Variants in ADCY9 observed in about 807,000 individuals in gnomAD.
The protein encoded by ADCY9 is adenylate cyclase 9.
In ADCY9, 50 loss-of-function variants were observed where a neutral mutation model predicts 101.5. That is an observed-to-expected ratio of 0.49 (90% CI 0.39 to 0.62). ADCY9 has a LOEUF of 0.62. Ranked by LOEUF, ADCY9 falls within the 20% of genes least tolerant of loss-of-function variation. The probability of loss-of-function intolerance (pLI) is 0.00; values close to 1 mark genes in which losing one functional copy is unlikely to be tolerated. For synonymous variants in ADCY9, 905 were observed against 769.3 expected (o/e 1.18, Z -2.92); for missense variants, 1,662 against 1,800.4 (o/e 0.92, Z 1.39).
rs2230738 is a variant in ADCY9 at position 4,114,363 on chromosome 16, C to T, written c.1080G>A (p.Arg360=). The T allele has an allele frequency of 0.27, 433,551 of 1,613,860 alleles. 66,123 individuals carry two copies. Among genetic ancestry groups the T allele is most frequent in the East Asian group, 0.64 (28,648 of 44,872 alleles). The change falls in exon 2 of 11, where the codon AGG becomes AGA. Residue 360 remains arginine, a synonymous_variant. Coordinates refer to ENST00000294016, the MANE Select transcript of ADCY9 (RefSeq NM_001116.4). This position sits in a 1 kb window ranked among gnomAD's most constrained non-coding sequence, Gnocchi z 4.3. The stretch of plus-strand genomic sequence containing the variant: ...TGTTCTTGGGGCTCGAGGTGGCATG[C>T]CTCTTGACAGAATTCTCACTCTCCT... The part of the protein sequence containing the change: ...GDEESENSVK[R]HATSSPKNRK...
At chr16:4,094,999 G>T (rs1255297108) in intron 2 of ADCY9, among the ~76,000 whole-genome samples, 1 of 135,562 alleles carries the variant, frequency 7.4e-6, no homozygotes, top group Non-Finnish European at 1.5e-5. Context: ...CAATGTTGAT[G>T]ACATTTAATT....
chr16:4,011,224 G>A (rs991177757), intron 2 of ADCY9, among the ~76,000 whole-genome samples: 3 of 152,186 alleles, frequency 2.0e-5, no homozygotes, highest in African/African-American at 7.2e-5. Flanking sequence ...TACAGAGGTG[G>A]CCTGCAGCAG....
At chr16:4,029,099 A>G (rs2056537110) in intron 2 of ADCY9, among the ~76,000 whole-genome samples, 2 of 152,082 alleles carry the variant, frequency 1.3e-5, no homozygotes, top group Non-Finnish European at 2.9e-5. Context: ...TATATTTTTT[A>G]AAGTAAAACT....
Position 4,113,884 on chromosome 16 carries a change from A to G in ADCY9, c.1559T>C (p.Met520Thr). ...TTTGCCGGCCACTCCCAGCTGCTCC[A>G]TGAGATTGGCCAGGTTCACATCGTT... ...WSNDVNLANL[M>T]EQLGVAGKVH... Residue 520 changes from methionine (M) to threonine (T), a missense_variant, in exon 2 of 11, where the codon ATG (methionine) becomes ACG (threonine). Met to Thr is a moderately conservative substitution (Grantham distance 81). Coordinates refer to ENST00000294016, the MANE Select transcript of ADCY9 (RefSeq NM_001116.4). The G allele has an allele frequency of 1.9e-6, 3 of 1,614,154 alleles. No homozygotes were observed. Among genetic ancestry groups the G allele is most frequent in the Non-Finnish European group, 2.5e-6 (3 of 1,180,020 alleles).
chr16:4,089,395 T>A (rs1245419728), intron 2 of ADCY9, among the ~76,000 whole-genome samples: 1 of 152,118 alleles, frequency 6.6e-6, no homozygotes, highest in African/African-American at 2.4e-5. Flanking sequence ...ACTCCATTCC[T>A]TTTTAAGGCT....
At chr16:4,069,867 A>C (rs902797704) in intron 2 of ADCY9, among the ~76,000 whole-genome samples, 1 of 152,164 alleles carries the variant, frequency 6.6e-6, no homozygotes, top group Non-Finnish European at 1.5e-5. Flanking sequence ...AGGCTGAGGC[A>C]GGTGGATCAC....
At chr16:3,970,149 T>C (rs140379843) in intron 10 of ADCY9, among the ~76,000 whole-genome samples, 273 of 152,248 alleles carry the variant, frequency 1.8e-3, no homozygotes, top group Middle Eastern at 3.4e-3. Context: ...TACTTATATA[T>C]GCGACTGGCG....
At chr16:4,035,998 C>CAAAAAAAAAAAAAAAAAAAAA (rs55792873) in intron 2 of ADCY9, among the ~76,000 whole-genome samples, 4 of 23,168 alleles carry the variant, frequency 1.7e-4, no homozygotes, top group Non-Finnish European at 2.9e-4. Context: ...AACTCCATCT[C>CAAAAAAAAAAAAAAAAAAAAA]AAAAAAAAAA....
intron 2 of ADCY9, among the ~76,000 whole-genome samples, chr16:4,092,592 T>C (rs889972982): frequency 6.6e-6 from 1 of 152,228 alleles, no homozygotes; most frequent in Non-Finnish European, 1.5e-5. Context: ...TTTGGTCTTA[T>C]GGAAAACGTG....
At position 4,048,565 on chromosome 16, in the gene ADCY9, G is replaced by A. The variant is rs192109900; in HGVS notation, c.1694-41007C>T. On this transcript the variant is annotated intron_variant, in intron 2 of 10. Coordinates refer to ENST00000294016, the MANE Select transcript of ADCY9 (RefSeq NM_001116.4). ...CTCCTGCACTTGTAGAGGGACACGGGTGAGATGAAACGGACGTCAGTACCC... is the reference window on the plus strand; with the variant it reads ...CTCCTGCACTTGTAGAGGGACACGGATGAGATGAAACGGACGTCAGTACCC... Among the ~76,000 whole-genome samples the A allele has an allele frequency of 4.3e-4, 65 of 152,296 alleles. 1 individual carries two copies. The East Asian group carries it at 9.3e-3, about 22-fold the overall frequency.
At chr16:3,972,234 C>CT (rs34224958) in intron 10 of ADCY9, among the ~76,000 whole-genome samples, 3,198 of 144,568 alleles carry the variant, frequency 0.022, 113 homozygotes, top group African/African-American at 0.075. Context: ...TTTTTCTTTT[C>CT]TTTTTTTTTT....
At chr16:4,075,807 T>A (rs1276392492) in intron 2 of ADCY9, among the ~76,000 whole-genome samples, 2 of 151,272 alleles carry the variant, frequency 1.3e-5, no homozygotes, top group Non-Finnish European at 2.9e-5. Context: ...CTGGATCTTG[T>A]AAGGTGGGCA....
In ADCY9 at chr16:4,007,237, C is replaced by A. The variant is rs550400986; in HGVS notation, c.1884+131G>T. 1.2e-5 allele frequency: 9 copies of A among 735,548 alleles called. No homozygotes were observed. The Admixed American group carries it at 1.4e-4, about 12-fold the overall frequency. 45.6% of individuals were successfully genotyped at this position (735,548 alleles called of 1,614,324 possible). On this transcript the variant is annotated intron_variant, in intron 3 of 10. Transcript: ENST00000294016. ...CTAACTTTAGACTAAATATTAAAAT[C>A]GTGAAAACCAAATCGAAGGTCATTC...
intron 2 of ADCY9, among the ~76,000 whole-genome samples, chr16:4,112,821 G>A (rs1199990796): frequency 6.6e-6 from 1 of 152,168 alleles, no homozygotes; most frequent in African/African-American, 2.4e-5. Flanking sequence ...AAAGGAGGAA[G>A]TGGGGGAAGA....
At chr16:4,109,391 T>C (rs1210407263) in intron 2 of ADCY9, among the ~76,000 whole-genome samples, 1 of 152,178 alleles carries the variant, frequency 6.6e-6, no homozygotes, top group Admixed American at 6.5e-5. Context: ...GCAGGAATTG[T>C]TGTCTGTTTT....
chr16:3,988,704 TG>T (rs1173022314), intron 6 of ADCY9, among the ~76,000 whole-genome samples: 2 of 18,684 alleles, frequency 1.1e-4, no homozygotes, highest in East Asian at 1.7e-3. Flanking sequence ...CAGGTTGTGG[TG>T]GGGGGGCCCC....
At chr16:4,038,318 A>G (rs1008903142) in intron 2 of ADCY9, among the ~76,000 whole-genome samples, 12 of 150,832 alleles carry the variant, frequency 8.0e-5, no homozygotes, top group African/African-American at 2.9e-4. Context: ...TTTAGGAGGT[A>G]AGGAAGAAGT....
At position 4,114,440 on chromosome 16, in the gene ADCY9, G is replaced by C; in HGVS notation, c.1003C>G (p.His335Asp). Residue 335 changes from histidine to aspartate, a missense_variant, in exon 2 of 11, where the codon CAT becomes GAT. Coordinates refer to ENST00000294016, the MANE Select transcript of ADCY9 (RefSeq NM_001116.4). The surrounding 1 kb of genome is among the most constrained non-coding windows in gnomAD (Gnocchi z 4.3). ...GCTATGATTCTTGGCATCACGGAAT[G>C]AATCATCCTCTCTTTGAGGGCTTTT... is the stretch of plus-strand genomic sequence containing the variant. The part of the protein sequence containing the change: ...VEKALKERMI[H>D]SVMPRIIADD... The C allele has an allele frequency of 2.5e-6, 4 of 1,614,154 alleles. No individual in the cohort carries two copies. The highest frequency in any genetic ancestry group is 3.4e-6 in the Non-Finnish European group (4 of 1,180,028).
At chr16:4,090,053 C>T (rs997659980) in intron 2 of ADCY9, among the ~76,000 whole-genome samples, 2 of 152,144 alleles carry the variant, frequency 1.3e-5, no homozygotes, top group African/African-American at 4.8e-5. Flanking sequence ...CACTGTGACC[C>T]AGCTGCCCTA....
Sources: allele counts gnomAD v4.1 joint callset (sites outside exome capture counted in the v4.1 genomes callset), GRCh38; gene constraint gnomAD v4.1.1; non-coding constraint Gnocchi (gnomAD v3.1); transcripts MANE v1.5; gene names NCBI Gene and HGNC (gene_info 2026-07-23, HGNC 2026-07-21).